THSD7B: variants seen among roughly 807,000 people sequenced by gnomAD.
The protein encoded by THSD7B is thrombospondin type 1 domain containing 7B, also known as thrombospondin type-1 domain-containing protein 7B.
THSD7B carries 138 observed loss-of-function variants against 213.6 expected under a neutral mutation model. That is an observed-to-expected ratio of 0.65 (90% CI 0.56 to 0.74). The LOEUF (loss-of-function observed/expected upper bound fraction) is 0.74, where lower values mean the gene tolerates loss of function less well. THSD7B is among the 30% of genes least tolerant of loss of function. The pLI is 0.00. For missense variants in THSD7B, 1,931 were observed against 1,991.5 expected (o/e 0.97, Z 0.58); for synonymous variants, 742 against 687.0 (o/e 1.08, Z -1.25).
At chr2:137,430,669 G>A (rs1342727689) in intron 14 of THSD7B, among the ~76,000 whole-genome samples, 1 of 152,226 alleles carries the variant, frequency 6.6e-6, no homozygotes, top group Non-Finnish European at 1.5e-5. Flanking sequence ...GCATTAGCCA[G>A]GGCTGTGATA....
chr2:136,920,917 G>A (rs1239126298), intron 2 of THSD7B, among the ~76,000 whole-genome samples: 1 of 152,186 alleles, frequency 6.6e-6, no homozygotes, highest in East Asian at 1.9e-4. Flanking sequence ...GCCCCAGAAT[G>A]GTTGCCAGGA....
intron 2 of THSD7B, among the ~76,000 whole-genome samples, chr2:136,908,102 T>C (rs1199714061): frequency 2.0e-5 from 3 of 152,210 alleles, no homozygotes; most frequent in African/African-American, 7.2e-5. Flanking sequence ...TTTTTAATAG[T>C]TTTAATGTGT....
At chr2:136,853,459 A>G (rs932323091) in intron 1 of THSD7B, among the ~76,000 whole-genome samples, 1 of 152,102 alleles carries the variant, frequency 6.6e-6, no homozygotes, top group Admixed American at 6.5e-5. Flanking sequence ...TCTTGGCAGG[A>G]TACCATAGAA....
intron 5 of THSD7B, among the ~76,000 whole-genome samples, chr2:137,151,207 A>G (rs1198101131): frequency 1.3e-5 from 2 of 151,962 alleles, no homozygotes. Context: ...AAAACTTTTA[A>G]CTCTTTTGTT....
At chr2:137,282,033 G>A (rs1425327058) in intron 12 of THSD7B, among the ~76,000 whole-genome samples, 1 of 152,018 alleles carries the variant, frequency 6.6e-6, no homozygotes, top group African/African-American at 2.4e-5. Context: ...GTGTAAAAGT[G>A]TTCCTATTTC....
At chr2:136,770,303 A>G (rs1472688428) in intron 1 of THSD7B, among the ~76,000 whole-genome samples, 1 of 152,200 alleles carries the variant, frequency 6.6e-6, no homozygotes, top group Non-Finnish European at 1.5e-5. Flanking sequence ...GGCTTGCAGT[A>G]ATCTCTTCTT....
chr2:137,245,463 C>T lies in THSD7B; in HGVS notation c.2266+2891C>T, dbSNP rs71419537. On this transcript the variant is annotated intron_variant, in intron 10 of 27. Coordinates refer to ENST00000409968, the MANE Select transcript of THSD7B (RefSeq NM_001316349.2). Reference sequence around the variant, plus strand: ...ATTCTCTTCAGCTGCCCCTCCTTCCCGGGTCCTCAGCCTGTGTATCTACAG... The same window carrying T: ...ATTCTCTTCAGCTGCCCCTCCTTCCTGGGTCCTCAGCCTGTGTATCTACAG... Among the ~76,000 whole-genome samples, 1,126 of 152,218 alleles carry T rather than the reference C, an allele frequency of 7.4e-3. 5 individuals carry two copies. The highest frequency in any genetic ancestry group is 0.012 in the Non-Finnish European group (845 of 68,010).
chr2:137,430,938 GA>G (rs1687167125), intron 14 of THSD7B, among the ~76,000 whole-genome samples: 1 of 152,150 alleles, frequency 6.6e-6, no homozygotes, highest in Non-Finnish European at 1.5e-5. Flanking sequence ...CTGGTGAGAG[GA>G]AAACAAAGAA....
At chr2:137,606,862 G>A (rs1421257858) in intron 17 of THSD7B, among the ~76,000 whole-genome samples, 1 of 152,118 alleles carries the variant, frequency 6.6e-6, no homozygotes, top group African/African-American at 2.4e-5. Flanking sequence ...CTGAGATTGA[G>A]ATTAAGAGTT....
chr2:136,990,483 G>C (rs930484304), intron 2 of THSD7B, among the ~76,000 whole-genome samples: 1 of 152,292 alleles, frequency 6.6e-6, no homozygotes, highest in South Asian at 2.1e-4. Flanking sequence ...GAACTGTAGG[G>C]GGGGGACCAT....
chr2:137,525,950 A>G (rs1680269176), intron 15 of THSD7B, among the ~76,000 whole-genome samples: 1 of 152,028 alleles, frequency 6.6e-6, no homozygotes, highest in Admixed American at 6.6e-5. Context: ...TTTCCTCCTT[A>G]GCCTGGAAGT....
At chr2:136,952,530 G>A (rs1002558197) in intron 2 of THSD7B, among the ~76,000 whole-genome samples, 5 of 150,924 alleles carry the variant, frequency 3.3e-5, no homozygotes, top group Non-Finnish European at 7.4e-5. Flanking sequence ...AGTGGCAGAG[G>A]ACTTATCTTT....
chr2:137,458,234 G>A (rs1256118030), intron 15 of THSD7B, among the ~76,000 whole-genome samples: 1 of 152,058 alleles, frequency 6.6e-6, no homozygotes, highest in Non-Finnish European at 1.5e-5. Context: ...ATTACCTTTC[G>A]GGAAACACTC....
intron 11 of THSD7B, among the ~76,000 whole-genome samples, chr2:137,273,987 T>C (rs1287829474): frequency 6.6e-6 from 1 of 152,120 alleles, no homozygotes; most frequent in Non-Finnish European, 1.5e-5. Flanking sequence ...GGATCTTCCA[T>C]TTCTTTGTCC....
intron 15 of THSD7B, among the ~76,000 whole-genome samples, chr2:137,548,996 C>A (rs78643056): frequency 0.014 from 2,106 of 152,028 alleles, 49 homozygotes; most frequent in African/African-American, 0.047. Flanking sequence ...AGTTCTTAAC[C>A]ACTGAGAATA....
chr2:137,299,740 C>T lies in THSD7B; in HGVS notation c.2500+23714C>T, dbSNP rs138071054. On this transcript the variant is annotated intron_variant, in intron 12 of 27. Transcript: ENST00000409968. ...CTTGTGGGCTTAACCGGCTGTTAAA[C>T]GTAAACATTATACATAGTTTTAACT... 7.7e-4 allele frequency among the ~76,000 whole-genome samples: 117 copies of T among 152,194 alleles called. 1 individual carries two copies. Among genetic ancestry groups the T allele is most frequent in the Admixed American group, 2.5e-3 (38 of 15,298 alleles).
At chr2:136,785,842 A>G (rs1204222859) in intron 1 of THSD7B, among the ~76,000 whole-genome samples, 2 of 152,226 alleles carry the variant, frequency 1.3e-5, no homozygotes, top group Non-Finnish European at 1.5e-5. Flanking sequence ...ATAAAATGTA[A>G]AATGAGATGA....
At chr2:137,431,030 A>G (rs960100544) in intron 14 of THSD7B, among the ~76,000 whole-genome samples, 1 of 152,218 alleles carries the variant, frequency 6.6e-6, no homozygotes, top group Non-Finnish European at 1.5e-5. Context: ...AAATATTTGA[A>G]GAGTTTTATT....
At chr2:136,835,559 G>A (rs1024925498) in intron 1 of THSD7B, among the ~76,000 whole-genome samples, 1 of 152,104 alleles carries the variant, frequency 6.6e-6, no homozygotes, top group Non-Finnish European at 1.5e-5. Context: ...AGACTCTTCA[G>A]CAAGCTGACT....
Sources: allele counts gnomAD v4.1 joint callset (sites outside exome capture counted in the v4.1 genomes callset), GRCh38; gene constraint gnomAD v4.1.1; transcripts MANE v1.5; gene names NCBI Gene and HGNC (gene_info 2026-07-23, HGNC 2026-07-21).